Variants in BLTP1 observed in about 807,000 individuals in gnomAD.
BLTP1 encodes fragile site-associated protein.
chr4:122,336,007 T>C, the BLTP1 span: 1 of 476,232 alleles, frequency 2.1e-6, no homozygotes, highest in African/African-American at 2.0e-5. Context: ...ACTTATTATA[T>C]GTTATTAATC....
At chr4:122,255,707 T>C in the BLTP1 span, among the ~76,000 whole-genome samples, 2 of 151,500 alleles carry the variant, frequency 1.3e-5, no homozygotes, top group Non-Finnish European at 2.9e-5. Context: ...AGACTAATGA[T>C]TTGGGAGTTG....
chr4:122,298,841 C>T, the BLTP1 span: 8 of 983,848 alleles, frequency 8.1e-6, no homozygotes, highest in African/African-American at 1.4e-4. Context: ...AAGAAAATAG[C>T]AAGAAACTGG....
chr4:122,233,294 A>G, the BLTP1 span, among the ~76,000 whole-genome samples: 5 of 152,336 alleles, frequency 3.3e-5, 1 homozygote, highest in South Asian at 1.0e-3. Flanking sequence ...GGTGCTTTAC[A>G]CGTGTTATGC....
At chr4:122,310,646 G>A in the BLTP1 span, among the ~76,000 whole-genome samples, 1 of 152,074 alleles carries the variant, frequency 6.6e-6, no homozygotes, top group Non-Finnish European at 1.5e-5. Flanking sequence ...CTTTCCTCTG[G>A]GTATAGGAAG....
the BLTP1 span, chr4:122,183,045 A>G: frequency 1.0e-6 from 1 of 984,736 alleles, no homozygotes; most frequent in South Asian, 4.7e-5. Flanking sequence ...TCAAAAAGAA[A>G]AAAAGCTGGG....
At chr4:122,200,332 C>G in the BLTP1 span, 1 of 940,680 alleles carries the variant, frequency 1.1e-6, no homozygotes, top group African/African-American at 1.8e-5. Flanking sequence ...AATCCCAGCA[C>G]TTTGGGAGGC....
the BLTP1 span, among the ~76,000 whole-genome samples, chr4:122,154,630 T>C: frequency 2.0e-5 from 3 of 152,224 alleles, no homozygotes; most frequent in African/African-American, 7.2e-5. Context: ...TCCCAGCACT[T>C]TGGGAGGCCG....
At chr4:122,276,261 T>C in the BLTP1 span, 1 of 374,684 alleles carries the variant, frequency 2.7e-6, no homozygotes, top group South Asian at 1.3e-4. Context: ...ACACTGTAGT[T>C]GTGTGTTGCT....
At chr4:122,322,456 A>G in the BLTP1 span, among the ~76,000 whole-genome samples, 1 of 152,052 alleles carries the variant, frequency 6.6e-6, no homozygotes, top group African/African-American at 2.4e-5. Flanking sequence ...AGCCCTTGGC[A>G]TAGTAATCAT....
At chr4:122,349,420 T>G in the BLTP1 span, 1 of 1,563,952 alleles carries the variant, frequency 6.4e-7, no homozygotes, top group Admixed American at 1.8e-5. The surrounding 1 kb of genome is among the most constrained non-coding windows in gnomAD (Gnocchi z 4.5). Flanking sequence ...TGGACATGTC[T>G]GTCAAAATTA....
chr4:122,239,019 T>G, the BLTP1 span, among the ~76,000 whole-genome samples: 3 of 152,180 alleles, frequency 2.0e-5, no homozygotes, highest in African/African-American at 7.2e-5. Context: ...GGATGTTTCA[T>G]GGAGACTTCA....
At chr4:122,224,884 G>A in the BLTP1 span, 1 of 1,455,194 alleles carries the variant, frequency 6.9e-7, no homozygotes, top group African/African-American at 1.4e-5. Flanking sequence ...TAATTTGTTG[G>A]GTGTAATGTG....
the BLTP1 span, among the ~76,000 whole-genome samples, chr4:122,284,798 A>G: frequency 6.6e-6 from 1 of 152,184 alleles, no homozygotes; most frequent in Non-Finnish European, 1.5e-5. Context: ...TATAAATTAA[A>G]CTTTATCATA....
the BLTP1 span, chr4:122,328,142 C>T: frequency 1.2e-6 from 2 of 1,607,524 alleles, no homozygotes. Flanking sequence ...TGTCAGTAAC[C>T]ATTGAAGGTC....
At chr4:122,184,944 C>T in the BLTP1 span, 9 of 984,344 alleles carry the variant, frequency 9.1e-6, no homozygotes, top group Non-Finnish European at 1.1e-5. Flanking sequence ...ATGCCAAATA[C>T]TAGCCCATTT....
At chr4:122,252,192 G>A in the BLTP1 span, among the ~76,000 whole-genome samples, 1 of 152,190 alleles carries the variant, frequency 6.6e-6, no homozygotes, top group African/African-American at 2.4e-5. Flanking sequence ...CCTCTACGAT[G>A]TGCTGGTTTA....
the BLTP1 span, among the ~76,000 whole-genome samples, chr4:122,335,161 C>A: frequency 6.6e-6 from 1 of 152,028 alleles, no homozygotes; most frequent in Non-Finnish European, 1.5e-5. Context: ...CTCATGTGGG[C>A]TTCTCTACTG....
At chr4:122,259,887 A>C in the BLTP1 span, 1 of 933,568 alleles carries the variant, frequency 1.1e-6, no homozygotes, top group Non-Finnish European at 1.3e-6. Flanking sequence ...CTTTCTTTGA[A>C]AGTCTGTGTA....
the BLTP1 span, chr4:122,346,435 CA>C: frequency 1.0e-6 from 1 of 983,996 alleles, no homozygotes; most frequent in Non-Finnish European, 1.2e-6. Flanking sequence ...GCCATCACCT[CA>C]AAAAAGGGAA....
Sources: allele counts gnomAD v4.1 joint callset (sites outside exome capture counted in the v4.1 genomes callset), GRCh38; gene constraint gnomAD v4.1.1; non-coding constraint Gnocchi (gnomAD v3.1); transcripts MANE v1.5; gene names NCBI Gene and HGNC (gene_info 2026-07-23, HGNC 2026-07-21).